The following ZNF395 variants were observed in gnomAD, a reference collection of about 807,000 sequenced individuals.
ZNF395 encodes zinc finger protein 395.
Under a neutral mutation model 57.7 loss-of-function variants are expected in ZNF395, and 20 were observed. That is an observed-to-expected ratio of 0.35 (90% CI 0.24 to 0.50). The LOEUF (loss-of-function observed/expected upper bound fraction) is 0.50. Among genes scored for constraint, ZNF395 ranks in the 20% least tolerant of loss-of-function variants. ZNF395 has a pLI of 0.97. For synonymous variants in ZNF395, 295 were observed against 275.9 expected (o/e 1.07, Z -0.69); for missense variants, 606 against 671.2 (o/e 0.90, Z 1.07).
At chr8:28,358,151 C>CTTT (rs746800075) in intron 3 of ZNF395, among the ~76,000 whole-genome samples, 132 of 101,104 alleles carry the variant, frequency 1.3e-3, no homozygotes, top group Non-Finnish European at 1.9e-3. Context: ...TCTTTTTTTT[C>CTTT]TTTTTTTTTT....
At chr8:28,354,554 C>T (rs1346011380) in intron 4 of ZNF395, among the ~76,000 whole-genome samples, 1 of 152,154 alleles carries the variant, frequency 6.6e-6, no homozygotes, top group Non-Finnish European at 1.5e-5. Context: ...CCGGCACAGG[C>T]TCCCATCTTT....
intron 1 of ZNF395, among the ~76,000 whole-genome samples, chr8:28,364,778 G>GA (rs1288107983): frequency 6.6e-6 from 1 of 151,644 alleles, no homozygotes; most frequent in Non-Finnish European, 1.5e-5. Context: ...AAGATAAAAA[G>GA]AAAAAATAGC....
chr8:28,351,145 A>T (rs1226012577), intron 7 of ZNF395, among the ~76,000 whole-genome samples: 2 of 152,248 alleles, frequency 1.3e-5, no homozygotes, highest in Admixed American at 1.3e-4. Context: ...GTCTGTCCAC[A>T]GAACACAATT....
intron 4 of ZNF395, 29 bp from the exon 5 acceptor site, chr8:28,353,437 C>G: frequency 6.8e-7 from 1 of 1,460,122 alleles, no homozygotes; most frequent in Non-Finnish European, 9.1e-7. Flanking sequence ...GATGAGAGGA[C>G]GCTCACGGGC....
At chr8:28,371,786 C>T (rs6999638) in intron 1 of ZNF395, among the ~76,000 whole-genome samples, 16,844 of 152,208 alleles carry the variant, frequency 0.11, 3,005 homozygotes, top group African/African-American at 0.37. Context: ...CAGTGACTCA[C>T]GCCTGTAATC....
chr8:28,349,654 T>C (rs1326181305), intron 8 of ZNF395, among the ~76,000 whole-genome samples: 2 of 152,256 alleles, frequency 1.3e-5, no homozygotes, highest in African/African-American at 4.8e-5. Context: ...GGTCCACCTA[T>C]GGCCCTTGTC....
Position 28,359,641 on chromosome 8 carries a change from G to C in ZNF395, c.424C>G (p.Gln142Glu). ...GAGACGGGCCTGTAGGCCAGGGCCT[G>C]GGCTCCGGGCTCCAGGGGTGGTGCC... ...PQAPPLEPGA[Q>E]ALAYRPVSRN... The change falls in exon 3 of 10, where the codon CAG becomes GAG. Residue 142 changes from glutamine (Q) to glutamate (E), a missense_variant. Gln to Glu is a conservative substitution (Grantham distance 29). This residue lies in a region of ZNF395 where 309 missense variants were observed against 374.7 expected (regional missense o/e 0.82). Transcript: ENST00000344423. This position sits in a 1 kb window ranked among gnomAD's most constrained non-coding sequence, Gnocchi z 4.7. 1 of 1,612,676 alleles carries C rather than the reference G, an allele frequency of 6.2e-7. No individual in the cohort carries two copies. Among genetic ancestry groups the C allele is most frequent in the Non-Finnish European group, 8.5e-7 (1 of 1,179,068 alleles).
chr8:28,368,296 C>G (rs1388603061), intron 1 of ZNF395, among the ~76,000 whole-genome samples: 1 of 152,156 alleles, frequency 6.6e-6, no homozygotes, highest in Non-Finnish European at 1.5e-5. Flanking sequence ...TCAAAGCACC[C>G]ACAAATGCTT....
At chr8:28,380,156 TA>T (rs527469969) in intron 1 of ZNF395, among the ~76,000 whole-genome samples, 279 of 149,122 alleles carry the variant, frequency 1.9e-3, no homozygotes, top group South Asian at 0.011. Context: ...TACTAGAGTT[TA>T]AAAAAAAAAA....
intron 1 of ZNF395, among the ~76,000 whole-genome samples, chr8:28,382,101 G>A (rs558207717): frequency 1.3e-5 from 2 of 152,172 alleles, no homozygotes; most frequent in South Asian, 2.1e-4. Flanking sequence ...AAAGCAAAAC[G>A]CCTACAGGAC....
rs1436121041 is a variant in ZNF395, at chr8:28,359,724, T to C, written c.341A>G (p.Gln114Arg). Residue 114 changes from glutamine to arginine, a missense_variant, in exon 3 of 10, where the codon CAG becomes CGG. This residue lies in a region of ZNF395 where 309 missense variants were observed against 374.7 expected (regional missense o/e 0.82). Coordinates refer to ENST00000344423, the MANE Select transcript of ZNF395 (RefSeq NM_018660.3). This position sits in a 1 kb window ranked among gnomAD's most constrained non-coding sequence, Gnocchi z 4.7. ...VTVWLLEQKL[Q>R]VCCRVEEVWL... ...CACCTCCTCCACCCTGCAGCAGACC[T>C]GCAGCTTCTGCTCCAGCAGCCAGAC... 6.2e-7 allele frequency: 1 copy of C among 1,614,074 alleles called. No homozygotes were observed. The highest frequency in any genetic ancestry group is 1.7e-5 in the Admixed American group (1 of 60,026).
In ZNF395 at chr8:28,350,138, T is replaced by C; in HGVS notation, c.1252A>G (p.Ile418Val). 6.2e-7 allele frequency: 1 copy of C among 1,605,422 alleles called. No individual in the cohort carries two copies. Among genetic ancestry groups the C allele is most frequent in the South Asian group, 1.1e-5 (1 of 89,252 alleles). ...HAYQALPSFQIPVSPHIYTSV... is the reference protein window; with the variant it reads ...HAYQALPSFQVPVSPHIYTSV... The stretch of plus-strand genomic sequence containing the variant: ...GTGTAGATGTGTGGTGAGACTGGGA[T>C]CTGGAAGGATGGCAGAGCCTGCGGA... Residue 418 changes from isoleucine to valine, a missense_variant, in exon 8 of 10, where the codon ATC (isoleucine) becomes GTC (valine). Transcript: ENST00000344423.
chr8:28,366,012 G>A (rs749490781), intron 1 of ZNF395, among the ~76,000 whole-genome samples: 5 of 152,180 alleles, frequency 3.3e-5, no homozygotes, highest in Non-Finnish European at 5.9e-5. Flanking sequence ...ACCACCCAGG[G>A]ACACTGCAGC....
Position 28,345,683 on chromosome 8 carries a change from G to A in ZNF395, c.*3036C>T, listed in dbSNP as rs1367759741. On this transcript the variant is annotated 3_prime_UTR_variant, in exon 10 of 10. Transcript: ENST00000344423. ...CACATTTTTAAAAAATTTTTTAACAGTAAAAATAATACTTGGAAGACAGCT... is the reference window on the plus strand; with the variant it reads ...CACATTTTTAAAAAATTTTTTAACAATAAAAATAATACTTGGAAGACAGCT... 6.6e-6 allele frequency: 1 copy of A among 150,856 alleles called. No homozygotes were observed. Among genetic ancestry groups the A allele is most frequent in the Non-Finnish European group, 1.5e-5 (1 of 67,712 alleles). 9.3% of individuals were successfully genotyped at this position (150,856 alleles called of 1,614,324 possible).
At chr8:28,349,453 C>A (rs978885254) in intron 8 of ZNF395, among the ~76,000 whole-genome samples, 1 of 152,218 alleles carries the variant, frequency 6.6e-6, no homozygotes, top group African/African-American at 2.4e-5. Flanking sequence ...AGGGGAGCCA[C>A]TGGACCTGGC....
At chr8:28,360,657 T>C (rs888949687) in intron 2 of ZNF395, among the ~76,000 whole-genome samples, 1 of 152,262 alleles carries the variant, frequency 6.6e-6, no homozygotes, top group African/African-American at 2.4e-5. Flanking sequence ...CGTCTGATGC[T>C]AGGTCTTGCC....
chr8:28,377,435 T>G (rs1802054852), intron 1 of ZNF395, among the ~76,000 whole-genome samples: 1 of 152,164 alleles, frequency 6.6e-6, no homozygotes. Flanking sequence ...ATTACAAATT[T>G]ATTGTCTGAT....
At chr8:28,353,120 C>A in intron 5 of ZNF395, 53 bp downstream of exon 5, 1 of 1,577,244 alleles carries the variant, frequency 6.3e-7, no homozygotes, top group South Asian at 1.1e-5. Context: ...GCTGTCCCCA[C>A]ACAGACATCA....
intron 1 of ZNF395, among the ~76,000 whole-genome samples, chr8:28,379,031 G>T (rs1219394536): frequency 6.6e-6 from 1 of 152,184 alleles, no homozygotes; most frequent in East Asian, 1.9e-4. Context: ...CATAAATTAG[G>T]AATCTGCAGC....
Sources: allele counts gnomAD v4.1 joint callset (sites outside exome capture counted in the v4.1 genomes callset), GRCh38; gene constraint gnomAD v4.1.1; regional missense constraint gnomAD v4.1.1; non-coding constraint Gnocchi (gnomAD v3.1); transcripts MANE v1.5; gene names NCBI Gene and HGNC (gene_info 2026-07-23, HGNC 2026-07-21).